The following CCDC93 variants were observed in gnomAD, a reference collection of about 807,000 sequenced individuals.
CCDC93 encodes the protein coiled-coil domain-containing protein 93.
In CCDC93, 61 loss-of-function variants were observed where a neutral mutation model predicts 108.2. That is an observed-to-expected ratio of 0.56 (90% CI 0.46 to 0.70). The LOEUF is 0.70. Ranked by LOEUF, CCDC93 falls within the 30% of genes least tolerant of loss-of-function variation. The pLI, the probability that CCDC93 is intolerant of heterozygous loss-of-function variation, is 0.00. For synonymous variants in CCDC93, 276 were observed against 260.4 expected (o/e 1.06, Z -0.58); for missense variants, 685 against 764.2 (o/e 0.90, Z 1.22).
At chr2:118,008,055 T>C (rs1309208832) in intron 2 of CCDC93, among the ~76,000 whole-genome samples, 1 of 152,262 alleles carries the variant, frequency 6.6e-6, no homozygotes, top group African/African-American at 2.4e-5. Flanking sequence ...GTTTTTTCTC[T>C]GTGTCCTCAA....
chr2:117,959,226 G>A (rs956255407), intron 11 of CCDC93, among the ~76,000 whole-genome samples: 9 of 152,292 alleles, frequency 5.9e-5, no homozygotes, highest in African/African-American at 2.2e-4. Context: ...TGTAGATACT[G>A]AATACAAACA....
At chr2:117,935,049 A>G (rs1678477920) in intron 22 of CCDC93, 1 of 152,456 alleles carries the variant, frequency 6.6e-6, no homozygotes, top group African/African-American at 2.4e-5. Flanking sequence ...CCTGAAAACC[A>G]AAATGCTCTC....
In CCDC93 at chr2:117,949,316, T is replaced by A; in HGVS notation, c.1142+6A>T. 6.2e-7 allele frequency: 1 copy of A among 1,605,970 alleles called. No individual in the cohort carries two copies. ...GCAAAAATAAGCACATGCTGAAACC[T>A]CTTACCTTGGATCAGCTTTGGATTC... On this transcript the variant is annotated splice_donor_region_variant and intron_variant, in intron 14 of 23. Coordinates refer to ENST00000376300, the MANE Select transcript of CCDC93 (RefSeq NM_019044.5).
intron 23 of CCDC93, among the ~76,000 whole-genome samples, chr2:117,927,636 C>T (rs558833042): frequency 5.2e-4 from 79 of 152,264 alleles, no homozygotes; most frequent in Non-Finnish European, 8.5e-4. Context: ...AAGAACATTC[C>T]ATTCTTATGG....
At chr2:117,935,146 G>A (rs541613032) in intron 22 of CCDC93, among the ~76,000 whole-genome samples, 1 of 152,320 alleles carries the variant, frequency 6.6e-6, no homozygotes, top group African/African-American at 2.4e-5. Context: ...CTAGTCAAGA[G>A]CGGAAGCCTG....
At chr2:117,974,737 A>T in intron 10 of CCDC93, 113 bp downstream of exon 10, 1 of 725,080 alleles carries the variant, frequency 1.4e-6, no homozygotes. Context: ...AAGAGGAGGT[A>T]CTGTGTGCTG....
chr2:117,995,716 A>T, intron 5 of CCDC93: 3 of 498,076 alleles, frequency 6.0e-6, no homozygotes, highest in Non-Finnish European at 1.1e-5. Context: ...AGCCAGTAAG[A>T]AAAAGGGGGT....
At chr2:117,928,814 T>A (rs1374744814) in intron 23 of CCDC93, among the ~76,000 whole-genome samples, 1 of 152,210 alleles carries the variant, frequency 6.6e-6, no homozygotes, top group Non-Finnish European at 1.5e-5. Context: ...TGCACACGTA[T>A]GTTTATTGCA....
intron 8 of CCDC93, among the ~76,000 whole-genome samples, chr2:117,976,455 A>C (rs1222802645): frequency 6.6e-6 from 1 of 152,222 alleles, no homozygotes; most frequent in Admixed American, 6.5e-5. Context: ...GACTAAAAAA[A>C]CACAAATGGG....
intron 3 of CCDC93, 28 bp downstream of exon 3, chr2:118,006,694 C>A (rs1344788256): frequency 7.2e-7 from 1 of 1,382,192 alleles, no homozygotes; most frequent in African/African-American, 1.4e-5. Flanking sequence ...CTTCTCCCCA[C>A]CTTTAGGTTT....
At chr2:117,940,927 T>C (rs1678681665) in intron 19 of CCDC93, among the ~76,000 whole-genome samples, 1 of 152,220 alleles carries the variant, frequency 6.6e-6, no homozygotes. Flanking sequence ...GGGAAGGCTG[T>C]GTGGCTGACC....
intron 13 of CCDC93, 133 bp downstream of exon 13, chr2:117,952,240 A>G (rs1679080278): frequency 1.4e-6 from 1 of 713,934 alleles, no homozygotes; most frequent in African/African-American, 1.8e-5. Context: ...TGTCCTCAAA[A>G]TGACTGCAGC....
chr2:117,925,501 G>T (rs9710924), intron 23 of CCDC93, among the ~76,000 whole-genome samples: 3 of 151,904 alleles, frequency 2.0e-5, no homozygotes, highest in Non-Finnish European at 4.4e-5. Flanking sequence ...ACTTTAAACC[G>T]ACAAAGATCA....
rs144600991 is a variant in CCDC93, at chr2:118,008,932, G to A, written c.43-274C>T. 2.3e-5 allele frequency: 7 copies of A among 305,162 alleles called. No homozygotes were observed. The East Asian group carries it at 3.6e-4, about 16-fold the overall frequency. The allele number at this position is 305,162 out of a possible 1,614,324, so 18.9% of individuals were successfully genotyped here. A position where few individuals can be genotyped will look rare whatever the true frequency, so the allele number is the denominator to read the frequency against. On this transcript the variant is annotated intron_variant, in intron 1 of 23. Transcript: ENST00000376300. ...TAGTATATACTACTCATCACATGCTGAAGGAATCCAGGGAAAAGGAAGGTT... is the reference window on the plus strand; with the variant it reads ...TAGTATATACTACTCATCACATGCTAAAGGAATCCAGGGAAAAGGAAGGTT...
At chr2:117,972,635 T>C (rs1244830029) in intron 11 of CCDC93, among the ~76,000 whole-genome samples, 1 of 151,266 alleles carries the variant, frequency 6.6e-6, no homozygotes, top group East Asian at 1.9e-4. Flanking sequence ...AAAAACTGGG[T>C]TCAGCAATGC....
chr2:117,935,681 A>T, intron 21 of CCDC93, 102 bp from the exon 22 acceptor site: 2 of 820,022 alleles, frequency 2.4e-6, no homozygotes, highest in Non-Finnish European at 3.9e-6. Context: ...CTCTTAGGAG[A>T]GGCAATCAGG....
At position 117,915,755 on chromosome 2, in the gene CCDC93, C is replaced by T. The variant is rs1013404159; in HGVS notation, c.*4588G>A. 5.9e-5 allele frequency: 9 copies of T among 152,294 alleles called. No individual in the cohort carries two copies. Among genetic ancestry groups the T allele is most frequent in the African/African-American group, 1.4e-4 (6 of 41,572 alleles). 9.4% of individuals were successfully genotyped at this position (152,294 alleles called of 1,614,324 possible). ...TATGCAGGTGGACATATGATATACA[C>T]GTGTATACGTCTGTGTGAAAACATA... On this transcript the variant is annotated 3_prime_UTR_variant, in exon 24 of 24. Transcript: ENST00000376300.
rs116872454 is a variant in CCDC93 at position 117,939,242 on chromosome 2, A to G, written c.1523-131T>C. Reference sequence around the variant, plus strand: ...GGAGCTCACTCTGCAGAAACCCCACAGCGTGCAAACTGAATTGCCTGGGAA... The same window carrying G: ...GGAGCTCACTCTGCAGAAACCCCACGGCGTGCAAACTGAATTGCCTGGGAA... On this transcript the variant is annotated intron_variant, in intron 19 of 23. Coordinates refer to ENST00000376300, the MANE Select transcript of CCDC93 (RefSeq NM_019044.5). 150 of 595,680 alleles carry G rather than the reference A, an allele frequency of 2.5e-4. No homozygotes were observed. The East Asian group carries it at 4.3e-3, about 17-fold the overall frequency. 36.9% of individuals were successfully genotyped at this position (595,680 alleles called of 1,614,324 possible). A position where few individuals can be genotyped will look rare whatever the true frequency, so the allele number is the denominator to read the frequency against.
chr2:117,954,216 G>A (rs1444304748), intron 12 of CCDC93, among the ~76,000 whole-genome samples: 2 of 152,122 alleles, frequency 1.3e-5, no homozygotes, highest in African/African-American at 4.8e-5. Flanking sequence ...CTCAAATGAG[G>A]TGTATGGGAG....
Sources: allele counts gnomAD v4.1 joint callset (sites outside exome capture counted in the v4.1 genomes callset), GRCh38; gene constraint gnomAD v4.1.1; transcripts MANE v1.5; gene names NCBI Gene and HGNC (gene_info 2026-07-23, HGNC 2026-07-21).